MEIS1: variants seen among roughly 807,000 people sequenced by gnomAD.
The protein encoded by MEIS1 is homeobox protein Meis1.
Under a neutral mutation model 50.8 loss-of-function variants are expected in MEIS1, and 5 were observed. The observed-to-expected ratio is 0.10, with a 90% CI of 0.05 to 0.21. MEIS1 has a LOEUF of 0.21. Ranked by LOEUF, MEIS1 falls within the 10% of genes least tolerant of loss-of-function variation. The pLI is 1.00. For missense variants in MEIS1, 318 were observed against 517.3 expected (o/e 0.61, Z 3.74); for synonymous variants, 176 against 179.3 (o/e 0.98, Z 0.15).
chr2:66,512,354 C>CA (rs1193156904), intron 8 of MEIS1, 60 bp downstream of exon 8: 92 of 1,503,328 alleles, frequency 6.1e-5, no homozygotes, highest in African/African-American at 7.2e-5. Flanking sequence ...AGTTTTTATA[C>CA]AAAAAAATGA....
intron 8 of MEIS1, among the ~76,000 whole-genome samples, chr2:66,517,609 A>C (rs1315708323): frequency 1.3e-5 from 2 of 152,168 alleles, no homozygotes; most frequent in African/African-American, 4.8e-5. Flanking sequence ...GTTTTAAAAG[A>C]TCTCTGCTAC....
intron 7 of MEIS1, among the ~76,000 whole-genome samples, chr2:66,482,201 A>T (rs1307621559): frequency 6.6e-6 from 1 of 152,170 alleles, no homozygotes; most frequent in African/African-American, 2.4e-5. Context: ...AAAATCTACT[A>T]TGTGCCAGGT....
Position 66,439,508 on chromosome 2 carries a change from G to A in MEIS1, c.240-335G>A, listed in dbSNP as rs1671895226. 2.0e-6 allele frequency: 3 copies of A among 1,470,648 alleles called. No individual in the cohort carries two copies. In the Admixed American group the frequency reaches 6.8e-5, roughly 33 times the overall value. 91.1% of individuals were successfully genotyped at this position (1,470,648 alleles called of 1,614,324 possible). A position where few individuals can be genotyped will look rare whatever the true frequency, so the allele number is the denominator to read the frequency against. ...CCTGGATGTGCAGTGGAGGGGACGA[G>A]GGCTTGTCGGGTGGGAAACTTAATT... On this transcript the variant is annotated intron_variant, in intron 2 of 12. Transcript: ENST00000272369.
intron 8 of MEIS1, among the ~76,000 whole-genome samples, chr2:66,531,783 G>A (rs1276366635): frequency 6.6e-6 from 1 of 152,202 alleles, no homozygotes; most frequent in Non-Finnish European, 1.5e-5. Context: ...CCCCAGGCCT[G>A]ACTGCAGCAG....
At chr2:66,546,927 C>T (rs974205832) in intron 8 of MEIS1, among the ~76,000 whole-genome samples, 48 of 152,210 alleles carry the variant, frequency 3.2e-4, no homozygotes, top group African/African-American at 8.9e-4. Flanking sequence ...ATTCAATAGA[C>T]GACAATTTAG....
intron 7 of MEIS1, among the ~76,000 whole-genome samples, chr2:66,494,719 T>C (rs1027342683): frequency 2.0e-5 from 3 of 152,186 alleles, no homozygotes; most frequent in Non-Finnish European, 4.4e-5. Context: ...CTTTCACATA[T>C]ATGATCTCGC....
chr2:66,553,559 G>A (rs1674978504), intron 9 of MEIS1, among the ~76,000 whole-genome samples: 1 of 152,226 alleles, frequency 6.6e-6, no homozygotes. Flanking sequence ...GAGCTGGCGG[G>A]GCGCCAGACA....
intron 8 of MEIS1, among the ~76,000 whole-genome samples, chr2:66,514,122 A>G (rs1673904814): frequency 6.6e-6 from 1 of 152,190 alleles, no homozygotes; most frequent in Admixed American, 6.5e-5. Context: ...AACAGAAACA[A>G]TGAATAGATT....
intron 8 of MEIS1, among the ~76,000 whole-genome samples, chr2:66,525,937 A>G (rs1674240142): frequency 6.6e-6 from 1 of 152,238 alleles, no homozygotes; most frequent in Non-Finnish European, 1.5e-5. Context: ...TAAGAAAGTA[A>G]CAGAATCACT....
chr2:66,507,953 G>T (rs567470522), intron 7 of MEIS1, among the ~76,000 whole-genome samples: 1 of 152,240 alleles, frequency 6.6e-6, no homozygotes. Context: ...GAAATTGTCC[G>T]TAGACGAATT....
intron 6 of MEIS1, among the ~76,000 whole-genome samples, chr2:66,451,750 C>T (rs1173272655): frequency 1.3e-5 from 2 of 151,900 alleles, no homozygotes; most frequent in African/African-American, 2.4e-5. Context: ...ACACTATTTA[C>T]GTGAAGTGGA....
intron 8 of MEIS1, among the ~76,000 whole-genome samples, chr2:66,532,947 T>A (rs11678354): frequency 0.24 from 35,782 of 152,194 alleles, 5,143 homozygotes; most frequent in Non-Finnish European, 0.33. Context: ...CAGTTTTTTT[T>A]ATCCAAAATC....
Position 66,441,425 on chromosome 2 carries a change from C to A in MEIS1, c.444C>A (p.Ala148=). 6.5e-7 allele frequency: 1 copy of A among 1,546,810 alleles called. No homozygotes were observed. The change falls in exon 5 of 13, where the codon GCC becomes GCA. Residue 148 remains alanine (A), a synonymous_variant. Coordinates refer to ENST00000272369, the MANE Select transcript of MEIS1 (RefSeq NM_002398.3). ...NPELDNLMIQ[A]IQVLRFHLLE... is the part of the protein sequence containing the mutation. ...TTGTATCTTTGCAGATGATTCAAGC[C>A]ATACAAGTATTAAGGTTTCATCTAT...
chr2:66,464,413 C>G (rs538284462), intron 7 of MEIS1, among the ~76,000 whole-genome samples, 193 bp downstream of exon 7: 2 of 152,186 alleles, frequency 1.3e-5, no homozygotes, highest in Admixed American at 6.5e-5. Context: ...CTGTCTGTCA[C>G]CTGGCCAGCT....
rs1675506054 is a variant in MEIS1, at chr2:66,572,516, T to C, written c.*1308T>C. 1 of 152,158 alleles carries C rather than the reference T, an allele frequency of 6.6e-6. No individual in the cohort carries two copies. Among genetic ancestry groups the C allele is most frequent in the African/African-American group, 2.4e-5 (1 of 41,428 alleles). 9.4% of individuals were successfully genotyped at this position (152,158 alleles called of 1,614,324 possible). On this transcript the variant is annotated 3_prime_UTR_variant, in exon 13 of 13. Transcript: ENST00000272369. The stretch of plus-strand genomic sequence containing the variant: ...GCAGTTTGGTATGAGTTGGCATGCA[T>C]ACAAGATTTACTAAGTGGGATAAGC...
chr2:66,454,065 G>A (rs755702506), intron 6 of MEIS1, among the ~76,000 whole-genome samples: 2 of 151,918 alleles, frequency 1.3e-5, no homozygotes, highest in African/African-American at 4.8e-5. Context: ...ACCTTGACGG[G>A]CCTTAGTTTA....
intron 9 of MEIS1, among the ~76,000 whole-genome samples, chr2:66,554,643 G>A (rs1480469135): frequency 1.3e-5 from 2 of 152,196 alleles, no homozygotes; most frequent in African/African-American, 4.8e-5. Context: ...GGACAAGTAG[G>A]ACGAATTAGT....
chr2:66,515,658 T>C (rs1446355390), intron 8 of MEIS1, among the ~76,000 whole-genome samples: 3 of 152,138 alleles, frequency 2.0e-5, no homozygotes, highest in Non-Finnish European at 4.4e-5. Flanking sequence ...AGAAGAAATT[T>C]CAGTGAGGTA....
intron 2 of MEIS1, chr2:66,439,410 G>T: frequency 8.0e-7 from 1 of 1,248,132 alleles, no homozygotes; most frequent in East Asian, 3.1e-5. Flanking sequence ...GGCTTCGCGC[G>T]GCCGCCTAGG....
Sources: gnomAD v4.1 joint callset for allele counts (sites outside exome capture counted in the v4.1 genomes callset) on GRCh38, gnomAD v4.1.1 for gene constraint, MANE v1.5 for transcripts, NCBI Gene and HGNC (gene_info 2026-07-23, HGNC 2026-07-21) for gene names.